Variants in CAPZA1 observed in about 807,000 individuals in gnomAD.
CAPZA1 encodes F-actin-capping protein subunit alpha-1.
Under a neutral mutation model 40.8 loss-of-function variants are expected in CAPZA1, and 10 were observed. The observed-to-expected ratio is 0.25, with a 90% CI of 0.15 to 0.42. The LOEUF (loss-of-function observed/expected upper bound fraction) is 0.42, where lower values mean the gene tolerates loss of function less well. Ranked by LOEUF, CAPZA1 falls within the 10% of genes least tolerant of loss-of-function variation. The probability of loss-of-function intolerance (pLI) is 1.00; values close to 1 mark genes in which losing one functional copy is unlikely to be tolerated. For synonymous variants in CAPZA1, 98 were observed against 115.0 expected (o/e 0.85, Z 0.95); for missense variants, 277 against 353.8 (o/e 0.78, Z 1.74).
At chr1:112,649,007 A>G (rs1430110844) in intron 2 of CAPZA1, among the ~76,000 whole-genome samples, 2 of 151,562 alleles carry the variant, frequency 1.3e-5, no homozygotes, top group Non-Finnish European at 2.9e-5. Flanking sequence ...ACAGCTTTTT[A>G]AAAAGGTTGT....
At chr1:112,659,586 C>CTT in intron 6 of CAPZA1, 115 bp from the exon 7 acceptor site, 19 of 495,066 alleles carry the variant, frequency 3.8e-5, no homozygotes, top group East Asian at 4.9e-5. Context: ...CTCTCTCTCT[C>CTT]TTTTTTTTTT....
intron 1 of CAPZA1, among the ~76,000 whole-genome samples, chr1:112,627,844 C>T (rs1557726392): frequency 6.6e-6 from 1 of 151,376 alleles, no homozygotes; most frequent in Non-Finnish European, 1.5e-5. Flanking sequence ...CCTGTAATCC[C>T]AGCTACTCAG....
chr1:112,659,628 G>A, intron 6 of CAPZA1, 73 bp from the exon 7 acceptor site: 1 of 1,069,564 alleles, frequency 9.3e-7, no homozygotes, highest in Non-Finnish European at 1.4e-6. Context: ...CCCAACTTCT[G>A]TACCTCAGTG....
intron 1 of CAPZA1, among the ~76,000 whole-genome samples, chr1:112,644,514 T>C (rs1425839839): frequency 6.6e-6 from 1 of 152,084 alleles, no homozygotes; most frequent in Admixed American, 6.5e-5. Flanking sequence ...TTCAAGAGAC[T>C]CTTGAACGTA....
At chr1:112,667,224 A>T in intron 8 of CAPZA1, 79 bp downstream of exon 8, 1 of 990,106 alleles carries the variant, frequency 1.0e-6, no homozygotes, top group Non-Finnish European at 1.5e-6. Flanking sequence ...CTGAGTGCTG[A>T]TTCTGCCAGT....
At chr1:112,659,291 T>C (rs1217377438) in intron 6 of CAPZA1, 190 bp downstream of exon 6, 3 of 577,296 alleles carry the variant, frequency 5.2e-6, no homozygotes, top group African/African-American at 1.9e-5. Context: ...GTTACTCTTA[T>C]TTTGAGTGAG....
intron 1 of CAPZA1, among the ~76,000 whole-genome samples, chr1:112,623,931 G>A (rs1330500267): frequency 3.3e-5 from 5 of 149,908 alleles, no homozygotes; most frequent in Non-Finnish European, 4.4e-5. Flanking sequence ...GTGTGAACCC[G>A]GGAGGCAGAG....
At chr1:112,663,101 C>T (rs973810648) in intron 7 of CAPZA1, among the ~76,000 whole-genome samples, 5 of 151,892 alleles carry the variant, frequency 3.3e-5, no homozygotes, top group East Asian at 3.9e-4. Context: ...AGTAGCTGGG[C>T]GTACAGGCGC....
chr1:112,624,589 C>G (rs1670759649), intron 1 of CAPZA1, among the ~76,000 whole-genome samples: 1 of 86,132 alleles, frequency 1.2e-5, no homozygotes. Flanking sequence ...GCCTGGGCAA[C>G]AGAGCAAAAC....
At position 112,670,064 on chromosome 1, in the gene CAPZA1, A is replaced by G. The variant is rs1570730720; in HGVS notation, c.793A>G (p.Thr265Ala). Residue 265 changes from threonine (T) to alanine (A), a missense_variant, in exon 10 of 10, where the codon ACC becomes GCC. By Grantham distance (58) the Thr-to-Ala change is moderately conservative (BLOSUM62 0). Coordinates refer to ENST00000263168, the MANE Select transcript of CAPZA1 (RefSeq NM_006135.3). ...GGCCTTGCGCCGGCAGCTTCCAGTT[A>G]CCCGCACCAAAATCGACTGGAACAA... is the stretch of plus-strand genomic sequence containing the variant. ...FKALRRQLPV[T>A]RTKIDWNKIL... The G allele has an allele frequency of 6.2e-7, 1 of 1,613,942 alleles. No homozygotes were observed. The highest frequency in any genetic ancestry group is 8.5e-7 in the Non-Finnish European group (1 of 1,179,846).
intron 7 of CAPZA1, 43 bp from the exon 8 acceptor site, chr1:112,667,031 C>G (rs1462092758): frequency 1.4e-6 from 2 of 1,413,768 alleles, no homozygotes; most frequent in East Asian, 2.3e-5. Flanking sequence ...ACAGGTTTCT[C>G]TATGAACTTC....
intron 1 of CAPZA1, among the ~76,000 whole-genome samples, chr1:112,626,406 C>T (rs1213494252): frequency 2.1e-5 from 3 of 144,458 alleles, no homozygotes; most frequent in Admixed American, 7.0e-5. Flanking sequence ...CTAGCCTGGG[C>T]AACATAGTGA....
intron 7 of CAPZA1, among the ~76,000 whole-genome samples, chr1:112,660,921 A>C (rs890250287): frequency 7.0e-6 from 1 of 142,710 alleles, no homozygotes; most frequent in Non-Finnish European, 1.5e-5. Context: ...GCAGTGGTGC[A>C]ATCTTGGCTC....
intron 3 of CAPZA1, 61 bp from the exon 4 acceptor site, chr1:112,653,537 T>C: frequency 8.9e-7 from 1 of 1,118,396 alleles, no homozygotes; most frequent in South Asian, 1.4e-5. Flanking sequence ...TATTTACACA[T>C]AATTCTTTTC....
Position 112,619,839 on chromosome 1 carries a change from C to G in CAPZA1, c.-6C>G, listed in dbSNP as rs200110073. On this transcript the variant is annotated 5_prime_UTR_variant, in exon 1 of 10. Transcript: ENST00000263168. ...CCGTAGCCGGGCTGGGCCAGAACAGCCCAAGATGGCCGACTTCGATGATCG... is the reference window on the plus strand; with the variant it reads ...CCGTAGCCGGGCTGGGCCAGAACAGGCCAAGATGGCCGACTTCGATGATCG... 4.9e-4 allele frequency: 794 copies of G among 1,612,862 alleles called. 2 individuals carry two copies. Among genetic ancestry groups the G allele is most frequent in the Non-Finnish European group, 5.8e-4 (679 of 1,179,434 alleles).
intron 1 of CAPZA1, chr1:112,620,708 CTT>C (rs1201600649): frequency 6.6e-6 from 1 of 152,206 alleles, no homozygotes; most frequent in Non-Finnish European, 1.5e-5. Flanking sequence ...ACTGTGGAGT[CTT>C]TGATCAGTTG....
intron 8 of CAPZA1, among the ~76,000 whole-genome samples, chr1:112,668,500 T>C (rs1401781056): frequency 6.6e-6 from 1 of 152,180 alleles, no homozygotes; most frequent in Admixed American, 6.5e-5. Flanking sequence ...TGCTTGTTTG[T>C]TTGTTTTTTT....
chr1:112,643,163 G>A (rs770145836), intron 1 of CAPZA1, among the ~76,000 whole-genome samples: 1 of 152,126 alleles, frequency 6.6e-6, no homozygotes, highest in Admixed American at 6.6e-5. Context: ...ACCAACAGTT[G>A]AAAAGTGCAG....
chr1:112,662,276 C>G (rs72701105), intron 7 of CAPZA1, among the ~76,000 whole-genome samples: 3,047 of 151,694 alleles, frequency 0.02, 65 homozygotes, highest in Non-Finnish European at 0.027. Flanking sequence ...ACCTGGCCAA[C>G]TTTTTTTATT....
Sources: gnomAD v4.1 joint callset for allele counts (sites outside exome capture counted in the v4.1 genomes callset) on GRCh38, gnomAD v4.1.1 for gene constraint, MANE v1.5 for transcripts, NCBI Gene and HGNC (gene_info 2026-07-23, HGNC 2026-07-21) for gene names.